Variants in AHCYL2 observed in about 807,000 individuals in gnomAD.
The protein encoded by AHCYL2 is adenosylhomocysteinase like 2, also known as S-adenosylhomocysteine hydrolase-like protein 2.
In AHCYL2, 28 loss-of-function variants were observed where a neutral mutation model predicts 81.4. That is an observed-to-expected ratio of 0.34 (90% CI 0.25 to 0.47). AHCYL2 has a LOEUF of 0.47. Ranked by LOEUF, AHCYL2 falls within the 20% of genes least tolerant of loss-of-function variation. AHCYL2 has a pLI of 1.00. For synonymous variants in AHCYL2, 272 were observed against 290.2 expected (o/e 0.94, Z 0.64); for missense variants, 551 against 785.1 (o/e 0.70, Z 3.56).
At chr7:129,234,494 T>C (rs1331954153) in intron 1 of AHCYL2, among the ~76,000 whole-genome samples, 2 of 152,062 alleles carry the variant, frequency 1.3e-5, no homozygotes, top group Admixed American at 1.3e-4. Context: ...CTGCCCACTT[T>C]GGCCTCTCAA....
intron 1 of AHCYL2, among the ~76,000 whole-genome samples, chr7:129,310,565 T>A (rs1431665684): frequency 6.6e-6 from 1 of 152,124 alleles, no homozygotes; most frequent in Non-Finnish European, 1.5e-5. Flanking sequence ...GGGAATTAAG[T>A]GTTAAATGCT....
chr7:129,405,588 A>T (rs1261505942), intron 8 of AHCYL2: 1 of 425,216 alleles, frequency 2.4e-6, no homozygotes, highest in Non-Finnish European at 4.1e-6. Context: ...ATTTTATTTA[A>T]CCTTCCTGTC....
chr7:129,422,185 A>G (rs1797147691), intron 12 of AHCYL2, among the ~76,000 whole-genome samples: 1 of 152,162 alleles, frequency 6.6e-6, no homozygotes, highest in Non-Finnish European at 1.5e-5. Flanking sequence ...AGGGTGAGCC[A>G]TTGGGAGCTT....
intron 1 of AHCYL2, among the ~76,000 whole-genome samples, chr7:129,228,762 T>C (rs1473889253): frequency 6.6e-6 from 1 of 152,258 alleles, no homozygotes; most frequent in African/African-American, 2.4e-5. Context: ...CTTACATCAG[T>C]ATCAGTAATG....
chr7:129,331,594 A>T (rs572086727), intron 1 of AHCYL2, among the ~76,000 whole-genome samples: 2 of 152,280 alleles, frequency 1.3e-5, no homozygotes, highest in South Asian at 4.1e-4. Context: ...CTGTAATCCC[A>T]GCACTTTGGG....
intron 11 of AHCYL2, chr7:129,410,200 C>T (rs1796501314): frequency 1.2e-6 from 2 of 1,612,658 alleles, no homozygotes; most frequent in Admixed American, 1.7e-5. Context: ...TCATTTGTTC[C>T]CGGCTCTTGG....
chr7:129,363,690 A>G (rs1402093583), intron 1 of AHCYL2, among the ~76,000 whole-genome samples: 2 of 152,058 alleles, frequency 1.3e-5, no homozygotes, highest in Non-Finnish European at 2.9e-5. Flanking sequence ...GGCGCCCGCC[A>G]CCACGCCCAG....
At chr7:129,334,910 G>T (rs765377928) in intron 1 of AHCYL2, among the ~76,000 whole-genome samples, 4 of 152,166 alleles carry the variant, frequency 2.6e-5, no homozygotes, top group Admixed American at 2.6e-4. Flanking sequence ...ACTACATTGA[G>T]AATCAAGAAG....
rs371361412 is a variant in AHCYL2 at position 129,370,515 on chromosome 7, A to G, written c.364-9123A>G. The stretch of plus-strand genomic sequence containing the variant: ...AGATCAAGATCATCCTGGCTAACAC[A>G]GTGAAACCCGGTCTCTACTAAAAAT... On this transcript the variant is annotated intron_variant, in intron 1 of 16. Coordinates refer to ENST00000325006, the MANE Select transcript of AHCYL2 (RefSeq NM_015328.4). Among the ~76,000 whole-genome samples the G allele has an allele frequency of 3.1e-3, 478 of 152,144 alleles. 4 individuals are homozygous for G. Among genetic ancestry groups the G allele is most frequent in the East Asian group, 0.02 (105 of 5,174 alleles).
rs1052074061 is a variant in AHCYL2, at chr7:129,305,505, C to A, written c.364-74133C>A. Among the ~76,000 whole-genome samples the A allele has an allele frequency of 2.0e-5, 3 of 152,128 alleles. No individual in the cohort carries two copies. In the South Asian group the frequency reaches 6.2e-4, roughly 32 times the overall value. ...AAAAAAACACTTTATACTTTAACTT[C>A]ATACCCCCCACTTTCTAATTTTTTG... On this transcript the variant is annotated intron_variant, in intron 1 of 16. Coordinates refer to ENST00000325006, the MANE Select transcript of AHCYL2 (RefSeq NM_015328.4).
chr7:129,273,210 G>T (rs186723550), intron 1 of AHCYL2, among the ~76,000 whole-genome samples: 25 of 145,580 alleles, frequency 1.7e-4, no homozygotes, highest in Non-Finnish European at 2.9e-4. Context: ...CCTGACCAAT[G>T]ACTTCTAAAT....
chr7:129,307,034 C>T (rs780567415), intron 1 of AHCYL2, among the ~76,000 whole-genome samples: 12 of 152,170 alleles, frequency 7.9e-5, no homozygotes, highest in Admixed American at 2.0e-4. Flanking sequence ...AACACTGGGA[C>T]GCATTGGGTC....
chr7:129,238,100 G>T (rs889325653), intron 1 of AHCYL2, among the ~76,000 whole-genome samples: 41 of 152,156 alleles, frequency 2.7e-4, no homozygotes, highest in African/African-American at 9.2e-4. Context: ...CCCGGGTTAG[G>T]TAGGTGTGGT....
chr7:129,426,948 C>A lies in AHCYL2; in HGVS notation c.1830-91C>A. On this transcript the variant is annotated intron_variant, in intron 16 of 16. Coordinates refer to ENST00000325006, the MANE Select transcript of AHCYL2 (RefSeq NM_015328.4). This position sits in a 1 kb window ranked among gnomAD's most constrained non-coding sequence, Gnocchi z 4.3. ...ACTGTACACTCCAGAAAAGTCTCTG[C>A]CTCCCTGTTACACCTTTAGGCAGGC... The A allele has an allele frequency of 2.2e-6, 3 of 1,349,978 alleles. No homozygotes were observed. The highest frequency in any genetic ancestry group is 3.1e-6 in the Non-Finnish European group (3 of 954,900). The allele number at this position is 1,349,978 out of a possible 1,614,324, so 83.6% of individuals were successfully genotyped here. A position where few individuals can be genotyped will look rare whatever the true frequency, so the allele number is the denominator to read the frequency against.
intron 7 of AHCYL2, 38 bp downstream of exon 7, chr7:129,403,523 C>G (rs540653855): frequency 1.4e-6 from 2 of 1,416,138 alleles, no homozygotes; most frequent in East Asian, 4.8e-5. Flanking sequence ...TTTATGCAGT[C>G]TAGACATAAA....
At chr7:129,253,376 A>G (rs538552726) in intron 1 of AHCYL2, among the ~76,000 whole-genome samples, 1 of 152,282 alleles carries the variant, frequency 6.6e-6, no homozygotes, top group African/African-American at 2.4e-5. Context: ...AGCACTTACA[A>G]ATATGAATTA....
intron 1 of AHCYL2, among the ~76,000 whole-genome samples, chr7:129,375,010 A>T (rs1174229780): frequency 6.6e-6 from 1 of 152,042 alleles, no homozygotes; most frequent in African/African-American, 2.4e-5. Context: ...TTTTGCTTGA[A>T]TATTTGGCAC....
chr7:129,385,620 C>T (rs966769675), intron 2 of AHCYL2, among the ~76,000 whole-genome samples: 3 of 152,106 alleles, frequency 2.0e-5, no homozygotes, highest in South Asian at 4.2e-4. Flanking sequence ...CTCATTTATT[C>T]GTAAGATTTT....
chr7:129,288,059 A>G (rs1796700338), intron 1 of AHCYL2, among the ~76,000 whole-genome samples: 1 of 152,242 alleles, frequency 6.6e-6, no homozygotes, highest in Admixed American at 6.5e-5. Context: ...TTTTAATAGC[A>G]TAAAAACCCA....
Sources: allele counts gnomAD v4.1 joint callset (sites outside exome capture counted in the v4.1 genomes callset), GRCh38; gene constraint gnomAD v4.1.1; non-coding constraint Gnocchi (gnomAD v3.1); transcripts MANE v1.5; gene names NCBI Gene and HGNC (gene_info 2026-07-23, HGNC 2026-07-21).